PALB2: variants seen among roughly 807,000 people sequenced by gnomAD.
PALB2 encodes partner and localizer of BRCA2.
A neutral mutation model predicts 107.4 loss-of-function variants in PALB2; 82 were observed. That is an observed-to-expected ratio of 0.76 (90% CI 0.64 to 0.92). The LOEUF is 0.92. Among genes scored for constraint, PALB2 ranks in the 40% least tolerant of loss-of-function variants. The pLI, the probability that PALB2 is intolerant of heterozygous loss-of-function variation, is 0.00. For synonymous variants in PALB2, 489 were observed against 496.8 expected, an observed-to-expected ratio of 0.98 and a Z score of 0.21; for missense variants, 1,374 against 1,379.9, an observed-to-expected ratio of 1.00 and a Z score of 0.07.
intron 11 of PALB2, among the ~76,000 whole-genome samples, chr16:23,612,523 CTT>C (rs900478700): frequency 0.026 from 3,059 of 119,334 alleles, 34 homozygotes; most frequent in Middle Eastern, 0.1. Flanking sequence ...CAGGCCAAGA[CTT>C]TTTTTTTTTT....
chr16:23,638,813 C>T (rs1967130861), intron 1 of PALB2, among the ~76,000 whole-genome samples: 1 of 152,198 alleles, frequency 6.6e-6, no homozygotes, highest in East Asian at 1.9e-4. Flanking sequence ...GCATTTTTGA[C>T]TATCATTTGA....
At chr16:23,634,705 C>G (rs1368123051) in intron 4 of PALB2, among the ~76,000 whole-genome samples, 157 bp downstream of exon 4, 1 of 151,492 alleles carries the variant, frequency 6.6e-6, no homozygotes, top group Non-Finnish European at 1.5e-5. Context: ...GGGTCTCACT[C>G]TGTTCCTCAG....
intron 10 of PALB2, chr16:23,617,564 A>T (rs1342258786): frequency 2.8e-5 from 4 of 143,722 alleles, no homozygotes; most frequent in South Asian, 2.2e-4. Flanking sequence ...TACAAAAAAA[A>T]ATTAAAAAAA....
rs151162255 is a variant in PALB2, at chr16:23,634,940, G to T, written c.1606C>A (p.Leu536Met). The change falls in exon 4 of 13, where the codon CTG becomes ATG. Residue 536 changes from leucine to methionine, a missense_variant. Leu to Met is a conservative substitution (Grantham distance 15). Coordinates refer to ENST00000261584, the MANE Select transcript of PALB2 (RefSeq NM_024675.4). The part of the protein sequence containing the change: ...HCEPLLPTSS[L>M]SIVNRSKEEV... ...TCCTTGGACCTGTTAACAATCGACA[G>T]GCTAGAAGTTGGCAAAAGTGGTTCA... 1 of 1,614,152 alleles carries T rather than the reference G, an allele frequency of 6.2e-7. No individual in the cohort carries two copies. Among genetic ancestry groups the T allele is most frequent in the Non-Finnish European group, 8.5e-7 (1 of 1,180,038 alleles).
chr16:23,628,429 A>G (rs1049772616), intron 6 of PALB2, among the ~76,000 whole-genome samples: 1 of 151,992 alleles, frequency 6.6e-6, no homozygotes, highest in Non-Finnish European at 1.5e-5. Context: ...TCTCTGGGAG[A>G]GCTTCTGCAC....
chr16:23,624,120 T>C (rs765020445), intron 7 of PALB2, 26 bp from the exon 8 acceptor site: 19 of 1,496,816 alleles, frequency 1.3e-5, no homozygotes, highest in Non-Finnish European at 1.8e-5. Context: ...CAGCCAAAAA[T>C]TATGCTTGGT....
rs1567212950 is a variant in PALB2 at position 23,621,438 on chromosome 16, T to C, written c.3037A>G (p.Ile1013Val). 6.2e-7 allele frequency: 1 copy of C among 1,614,108 alleles called. No homozygotes were observed. Among genetic ancestry groups the C allele is most frequent in the Non-Finnish European group, 8.5e-7 (1 of 1,179,984 alleles). The change falls in exon 10 of 13, where the codon ATA becomes GTA. Residue 1013 changes from isoleucine (I) to valine (V), a missense_variant. Transcript: ENST00000261584. ...CCTTGGACCTCAGCAAAAGTTAGTA[T>C]AGTCTCCTCAGGGGGCATCAAAAAT... The part of the protein sequence containing the change: ...NQFLMPPEET[I>V]LTFAEVQGMQ...
chr16:23,623,584 G>C (rs1037579657), intron 8 of PALB2, among the ~76,000 whole-genome samples: 2 of 130,736 alleles, frequency 1.5e-5, no homozygotes, highest in South Asian at 2.5e-4. Flanking sequence ...CACGATCTTA[G>C]CTCACTGCAA....
chr16:23,629,171 A>G (rs1179033967), intron 6 of PALB2, 33 bp downstream of exon 6: 3 of 1,540,508 alleles, frequency 1.9e-6, no homozygotes, highest in Non-Finnish European at 2.7e-6. Flanking sequence ...CATATGTAAG[A>G]CACGAGACAC....
intron 11 of PALB2, among the ~76,000 whole-genome samples, chr16:23,610,498 G>A (rs1056916391): frequency 3.3e-5 from 5 of 151,290 alleles, no homozygotes; most frequent in Middle Eastern, 3.4e-3. Context: ...TAGGAGAGAC[G>A]GAGTTTCACC....
At chr16:23,616,003 CA>C (rs529606545) in intron 10 of PALB2, among the ~76,000 whole-genome samples, 308 of 152,288 alleles carry the variant, frequency 2.0e-3, no homozygotes, top group Non-Finnish European at 3.9e-3. Flanking sequence ...GCAATATTTA[CA>C]TTATCACTCA....
rs942422168 is a variant in PALB2, at chr16:23,641,307, G to T, written c.-150C>A. The T allele has an allele frequency of 3.6e-6, 4 of 1,124,910 alleles. No individual in the cohort carries two copies. The highest frequency in any genetic ancestry group is 3.1e-5 in the African/African-American group (2 of 64,336). 69.7% of individuals were successfully genotyped at this position (1,124,910 alleles called of 1,614,324 possible). A position where few individuals can be genotyped will look rare whatever the true frequency, so the allele number is the denominator to read the frequency against. ...CAGTGCGCGATCAGCTGACCCACGCGGGCCAAGCGCGCCCTAAACTCCGGC... is the reference window on the plus strand; with the variant it reads ...CAGTGCGCGATCAGCTGACCCACGCTGGCCAAGCGCGCCCTAAACTCCGGC... On this transcript the variant is annotated 5_prime_UTR_variant, in exon 1 of 13. Coordinates refer to ENST00000261584, the MANE Select transcript of PALB2 (RefSeq NM_024675.4).
rs1060502774 is a variant in PALB2, at chr16:23,635,540, T to G, written c.1006A>C (p.Asn336His). 3 of 1,613,608 alleles carry G rather than the reference T, an allele frequency of 1.9e-6. No homozygotes were observed. Among genetic ancestry groups the G allele is most frequent in the Admixed American group, 3.3e-5 (2 of 59,890 alleles). The change falls in exon 4 of 13, where the codon AAC (asparagine) becomes CAC (histidine). Residue 336 changes from asparagine (N) to histidine (H), a missense_variant. Transcript: ENST00000261584. ...TTTTGGTTTTCATTTGCTGGTAAGT[T>G]ATTGTAGGTGAGTTCATTTAGAGAA... ...SCSLNELTYN[N>H]LPANENQNLK...
chr16:23,637,340 G>A (rs902306923), intron 3 of PALB2, among the ~76,000 whole-genome samples: 7 of 152,002 alleles, frequency 4.6e-5, no homozygotes, highest in Non-Finnish European at 1.0e-4. Context: ...GCAAGAGAGG[G>A]AAAAAGAATA....
Position 23,636,306 on chromosome 16 carries a change from G to T in PALB2, c.240C>A (p.Asp80Glu), listed in dbSNP as rs1597099799. The change falls in exon 4 of 13, where the codon GAC (aspartate) becomes GAA (glutamate). Residue 80 changes from aspartate (D) to glutamate (E), a missense_variant. By Grantham distance (45) the Asp-to-Glu change is conservative. Transcript: ENST00000261584. ...CAAGATGGGTTTTGATGTGTAACTT[G>T]TCATAAACACATATTTTATTTTTAG... The part of the protein sequence containing the change: ...SEPKNKICVY[D>E]KLHIKTHLDE... 6.2e-7 allele frequency: 1 copy of T among 1,611,310 alleles called. No individual in the cohort carries two copies. The highest frequency in any genetic ancestry group is 8.5e-7 in the Non-Finnish European group (1 of 1,178,590).
At chr16:23,608,901 C>G (rs1966532697) in intron 11 of PALB2, among the ~76,000 whole-genome samples, 1 of 151,778 alleles carries the variant, frequency 6.6e-6, no homozygotes, top group Admixed American at 6.6e-5. Flanking sequence ...GATCTCAGCT[C>G]ACTGCAACCT....
At chr16:23,613,415 G>A (rs1489849573) in intron 11 of PALB2, among the ~76,000 whole-genome samples, 7 of 152,048 alleles carry the variant, frequency 4.6e-5, no homozygotes, top group African/African-American at 1.2e-4. Flanking sequence ...AGGCTGAGGC[G>A]GGTGGATCAC....
intron 11 of PALB2, among the ~76,000 whole-genome samples, chr16:23,613,267 T>C (rs76314115): frequency 0.033 from 5,092 of 152,270 alleles, 119 homozygotes; most frequent in Middle Eastern, 0.088. Flanking sequence ...TCTAACTGTA[T>C]GTTTGTACCC....
At position 23,641,245 on chromosome 16, in the gene PALB2, G is replaced by C. The variant is rs1471091819; in HGVS notation, c.-88C>G. The C allele has an allele frequency of 2.0e-6, 3 of 1,519,086 alleles. No homozygotes were observed. The highest frequency in any genetic ancestry group is 1.8e-6 in the Non-Finnish European group (2 of 1,114,138). 94.1% of individuals were successfully genotyped at this position (1,519,086 alleles called of 1,614,324 possible). On this transcript the variant is annotated 5_prime_UTR_variant, in exon 1 of 13. Coordinates refer to ENST00000261584, the MANE Select transcript of PALB2 (RefSeq NM_024675.4). ...CCAGTTGGCCCTGGGCCGGGGAGGC[G>C]CCCCAGGAAGGAATGGGGAGCCCGG...
Sources: gnomAD v4.1 joint callset for allele counts (sites outside exome capture counted in the v4.1 genomes callset) on GRCh38, gnomAD v4.1.1 for gene constraint, MANE v1.5 for transcripts, NCBI Gene and HGNC (gene_info 2026-07-23, HGNC 2026-07-21) for gene names.